Variants in WIPF3 observed in about 807,000 individuals in gnomAD.
WIPF3 encodes the protein WAS/WASL interacting protein family member 3.
In WIPF3, 33 loss-of-function variants were observed where a neutral mutation model predicts 38.9. The ratio of observed to expected loss-of-function variants is 0.85; its 90% CI spans 0.64 to 1.14. WIPF3 has a LOEUF of 1.14. Ranked by LOEUF, WIPF3 falls within the 50% of genes most tolerant of loss-of-function variation. The pLI is 0.00. For missense variants in WIPF3, 711 were observed against 652.5 expected (o/e 1.09, Z -0.98); for synonymous variants, 324 against 269.3 (o/e 1.20, Z -1.99).
Position 29,884,264 on chromosome 7 carries a change from T to TGGC in WIPF3, c.770_771insGGC (p.Leu257_Pro258insAla). On this transcript the variant is annotated inframe_insertion, in exon 5 of 9. Coordinates refer to ENST00000242140, the MANE Select transcript of WIPF3 (RefSeq NM_001080529.3). The stretch of plus-strand genomic sequence containing the variant: ...AAGCCTCAGCTGGCTCCCTTGCACC[T>TGGC]CCCGCCCATCCCGCCCCCGCTCCCT... 437 of 1,313,054 alleles carry TGGC rather than the reference T, an allele frequency of 3.3e-4. No individual in the cohort carries two copies. The highest frequency in any genetic ancestry group is 3.9e-4 in the Non-Finnish European group (391 of 990,658). 81.3% of individuals were successfully genotyped at this position (1,313,054 alleles called of 1,614,324 possible). A position where few individuals can be genotyped will look rare whatever the true frequency, so the allele number is the denominator to read the frequency against.
chr7:29,835,676 C>A (rs886236835), intron 2 of WIPF3, among the ~76,000 whole-genome samples: 1 of 152,204 alleles, frequency 6.6e-6, no homozygotes, highest in African/African-American at 2.4e-5. Flanking sequence ...AAACCAGGAG[C>A]ACTTCTCACA....
intron 8 of WIPF3, among the ~76,000 whole-genome samples, chr7:29,909,051 T>G (rs186543854): frequency 1.3e-5 from 2 of 151,930 alleles, no homozygotes; most frequent in East Asian, 3.9e-4. Flanking sequence ...AAACAACCAA[T>G]GGATCAAAGA....
At chr7:29,814,370 A>G (rs937968306) in intron 1 of WIPF3, among the ~76,000 whole-genome samples, 1 of 152,204 alleles carries the variant, frequency 6.6e-6, no homozygotes, top group Non-Finnish European at 1.5e-5. Context: ...GGCAGGAACC[A>G]TGTAGCTATG....
intron 3 of WIPF3, among the ~76,000 whole-genome samples, chr7:29,877,804 T>G (rs1785634869): frequency 6.6e-6 from 1 of 152,226 alleles, no homozygotes; most frequent in African/African-American, 2.4e-5. Flanking sequence ...ATACATTTCA[T>G]GTTTAGACTT....
At chr7:29,854,307 A>G (rs766155764) in intron 2 of WIPF3, among the ~76,000 whole-genome samples, 16 of 152,244 alleles carry the variant, frequency 1.1e-4, no homozygotes, top group Non-Finnish European at 1.9e-4. Flanking sequence ...GAATGCTATT[A>G]TAAGACCCTC....
intron 2 of WIPF3, among the ~76,000 whole-genome samples, chr7:29,873,597 G>A (rs955219432): frequency 3.3e-5 from 5 of 152,268 alleles, no homozygotes; most frequent in African/African-American, 1.2e-4. Flanking sequence ...GTTTTTAAAA[G>A]CATATTGTAT....
At chr7:29,857,825 CAG>C (rs1439386627) in intron 2 of WIPF3, among the ~76,000 whole-genome samples, 6 of 152,256 alleles carry the variant, frequency 3.9e-5, no homozygotes, top group African/African-American at 1.4e-4. Context: ...GCACAAAGTA[CAG>C]AGAGTTCCTG....
chr7:29,807,828 T>G (rs1042310227), intron 1 of WIPF3, among the ~76,000 whole-genome samples: 1 of 152,182 alleles, frequency 6.6e-6, no homozygotes, highest in African/African-American at 2.4e-5. Flanking sequence ...GCATGACCAG[T>G]GTGATTTAGA....
intron 1 of WIPF3, among the ~76,000 whole-genome samples, chr7:29,815,606 G>GC (rs1443044248): frequency 2.0e-5 from 3 of 152,142 alleles, no homozygotes; most frequent in Non-Finnish European, 4.4e-5. Flanking sequence ...GGGGAACAGA[G>GC]CCCCCACGTG....
chr7:29,807,517 A>G (rs1344582715), intron 1 of WIPF3, among the ~76,000 whole-genome samples: 1 of 152,194 alleles, frequency 6.6e-6, no homozygotes, highest in Non-Finnish European at 1.5e-5. Flanking sequence ...GTGGGCAGGC[A>G]GGCACCGGCT....
chr7:29,909,649 G>T (rs1224247759), intron 8 of WIPF3, among the ~76,000 whole-genome samples: 2 of 152,124 alleles, frequency 1.3e-5, no homozygotes, highest in Non-Finnish European at 2.9e-5. Flanking sequence ...GTAATCACAG[G>T]TCTTTGGGAG....
chr7:29,906,855 G>A (rs1286218440), intron 8 of WIPF3, among the ~76,000 whole-genome samples: 1 of 152,196 alleles, frequency 6.6e-6, no homozygotes, highest in Non-Finnish European at 1.5e-5. Flanking sequence ...AAGGCCAGAA[G>A]GTGGTGAGCC....
rs1453448241 is a variant in WIPF3, at chr7:29,809,048, T to C, written c.-58+2370T>C. On this transcript the variant is annotated intron_variant, in intron 1 of 8. Transcript: ENST00000242140. ...AACTCAGCAAAAGGAAGGAAATGTG[T>C]TTTCTAGCAAATGTGTTATAAATAT... Among the ~76,000 whole-genome samples, 6 of 152,320 alleles carry C rather than the reference T, an allele frequency of 3.9e-5. No homozygotes were observed. In the South Asian group the frequency reaches 1.2e-3, roughly 32 times the overall value.
At chr7:29,835,011 G>A (rs1225855762) in intron 2 of WIPF3, among the ~76,000 whole-genome samples, 197 bp downstream of exon 2, 3 of 151,724 alleles carry the variant, frequency 2.0e-5, no homozygotes, top group Non-Finnish European at 4.4e-5. Flanking sequence ...CCCATTCTTC[G>A]GCAGCTTCCA....
In WIPF3 at chr7:29,883,893, C is replaced by T; in HGVS notation, c.399C>T (p.Pro133=). 2 of 1,581,586 alleles carry T rather than the reference C, an allele frequency of 1.3e-6. No individual in the cohort carries two copies. The highest frequency in any genetic ancestry group is 8.6e-7 in the Non-Finnish European group (1 of 1,161,944). The change falls in exon 5 of 9, where the codon CCC becomes CCT. Residue 133 remains proline, a synonymous_variant. Coordinates refer to ENST00000242140, the MANE Select transcript of WIPF3 (RefSeq NM_001080529.3). The stretch of plus-strand genomic sequence containing the variant: ...GCCCTGGCTCCCGCGCGCCCTCTCC[C>T]AGGCTTCCCAACAAAACCATCAGCG... The part of the protein sequence containing the change: ...GQGPGSRAPS[P]RLPNKTISGP...
At chr7:29,848,376 G>A (rs1464646253) in intron 2 of WIPF3, among the ~76,000 whole-genome samples, 2 of 152,214 alleles carry the variant, frequency 1.3e-5, no homozygotes, top group Admixed American at 6.5e-5. Context: ...AGACCAAGAG[G>A]GAAGGGAAGG....
At chr7:29,866,147 A>C (rs964997634) in intron 2 of WIPF3, among the ~76,000 whole-genome samples, 17 of 152,246 alleles carry the variant, frequency 1.1e-4, no homozygotes, top group African/African-American at 3.6e-4. Context: ...CGACAGAGCA[A>C]GACTCTGTCT....
chr7:29,822,619 T>G (rs1276741694), intron 1 of WIPF3, among the ~76,000 whole-genome samples: 1 of 152,218 alleles, frequency 6.6e-6, no homozygotes, highest in Non-Finnish European at 1.5e-5. Flanking sequence ...GTTTCCCACT[T>G]TGGAGAGCAG....
intron 2 of WIPF3, among the ~76,000 whole-genome samples, chr7:29,862,911 G>A (rs939492596): frequency 3.9e-5 from 6 of 151,934 alleles, no homozygotes; most frequent in African/African-American, 7.3e-5. Context: ...ATACACTGAA[G>A]CCTCTGTTGC....
Sources: allele counts gnomAD v4.1 joint callset (sites outside exome capture counted in the v4.1 genomes callset), GRCh38; gene constraint gnomAD v4.1.1; transcripts MANE v1.5; gene names NCBI Gene and HGNC (gene_info 2026-07-23, HGNC 2026-07-21).